CSMD2: variants seen among roughly 807,000 people sequenced by gnomAD.
CSMD2 encodes the protein CUB and sushi domain-containing protein 2.
A neutral mutation model predicts 398.5 loss-of-function variants in CSMD2; 130 were observed. The observed-to-expected ratio is 0.33, with a 90% CI of 0.28 to 0.38. The LOEUF (loss-of-function observed/expected upper bound fraction) is 0.38, where lower values mean the gene tolerates loss of function less well. CSMD2 is among the 10% of genes least tolerant of loss of function. The pLI is 1.00. For synonymous variants in CSMD2, 1,828 were observed against 1,908.5 expected, an observed-to-expected ratio of 0.96 and a Z score of 1.10; for missense variants, 3,829 against 4,764.9, an observed-to-expected ratio of 0.80 and a Z score of 5.78.
intron 51 of CSMD2, among the ~76,000 whole-genome samples, chr1:33,570,993 T>C (rs1166874722): frequency 6.6e-6 from 1 of 152,136 alleles, no homozygotes; most frequent in African/African-American, 2.4e-5. Context: ...TGTCTCAGAG[T>C]GTCTTCCCAG....
At chr1:33,801,749 G>C (rs544241677) in intron 10 of CSMD2, among the ~76,000 whole-genome samples, 2 of 152,288 alleles carry the variant, frequency 1.3e-5, no homozygotes, top group African/African-American at 4.8e-5. Flanking sequence ...TCTCTCAAAG[G>C]GGGATAGGAA....
chr1:33,918,334 T>C, intron 4 of CSMD2, 33 bp from the exon 5 acceptor site: 1 of 1,597,298 alleles, frequency 6.3e-7, no homozygotes, highest in Middle Eastern at 1.8e-4. Context: ...CTTACATGAG[T>C]AGTCTGGTTT....
chr1:33,548,023 T>C lies in CSMD2; in HGVS notation c.8918-1804A>G, dbSNP rs187724495. Among the ~76,000 whole-genome samples the C allele has an allele frequency of 2.6e-4, 39 of 152,286 alleles. No homozygotes were observed. In the East Asian group the frequency reaches 7.1e-3, roughly 28 times the overall value. On this transcript the variant is annotated intron_variant, in intron 56 of 70. Coordinates refer to ENST00000373381, the MANE Select transcript of CSMD2 (RefSeq NM_001281956.2). The stretch of plus-strand genomic sequence containing the variant: ...GTGAGTGAGTTCTCATGAGATCTGG[T>C]TGTTTGAAAGTGTGTTGCACTTTGC...
At chr1:33,777,209 A>G (rs1176244568) in intron 12 of CSMD2, among the ~76,000 whole-genome samples, 1 of 150,498 alleles carries the variant, frequency 6.6e-6, no homozygotes, top group Non-Finnish European at 1.5e-5. Context: ...TGGTGACTTC[A>G]CGGGAACTCA....
At chr1:33,656,818 G>A (rs913565696) in intron 27 of CSMD2, among the ~76,000 whole-genome samples, 13 of 152,192 alleles carry the variant, frequency 8.5e-5, no homozygotes, top group African/African-American at 3.1e-4. Flanking sequence ...GCTAATTTCA[G>A]AGAGCTGTTG....
chr1:34,103,311 CTTT>C (rs71750196), intron 1 of CSMD2, among the ~76,000 whole-genome samples: 5 of 96,220 alleles, frequency 5.2e-5, no homozygotes, highest in African/African-American at 1.3e-4. Context: ...TTTTTTTTTT[CTTT>C]CTGAGCCAGA....
At chr1:34,103,375 T>C (rs1184000178) in intron 1 of CSMD2, among the ~76,000 whole-genome samples, 2 of 144,364 alleles carry the variant, frequency 1.4e-5, no homozygotes, top group African/African-American at 5.2e-5. Context: ...CTCGGCTCAC[T>C]GCTATCTCCG....
intron 37 of CSMD2, 139 bp downstream of exon 37, chr1:33,622,028 G>A: frequency 1.4e-6 from 1 of 697,744 alleles, no homozygotes; most frequent in Non-Finnish European, 2.6e-6. Flanking sequence ...CTGGGCTTTA[G>A]CATCTTCACC....
Position 33,724,570 on chromosome 1 carries a change from G to T in CSMD2, c.2830C>A (p.Pro944Thr), listed in dbSNP as rs1478575629. The T allele has an allele frequency of 6.2e-7, 1 of 1,614,204 alleles. No homozygotes were observed. Among genetic ancestry groups the T allele is most frequent in the Admixed American group, 1.7e-5 (1 of 60,032 alleles). Residue 944 changes from proline (P) to threonine (T), a missense_variant, in exon 18 of 71, where the codon CCT (proline) becomes ACT (threonine). Around this residue, in one of 5 missense-constraint regions of CSMD2, gnomAD observed 2,001 missense variants for 2,567.1 expected, o/e 0.78. Transcript: ENST00000373381. ...DSGYTLSDGEPLECEPNFQWS... is the reference protein window; with the variant it reads ...DSGYTLSDGETLECEPNFQWS... ...TGGAAGTTGGGCTCACACTCCAGAG[G>T]CTCCCCGTCACTTAATGTGTAGCCC...
At chr1:33,725,137 G>A (rs1256278371) in intron 17 of CSMD2, among the ~76,000 whole-genome samples, 4 of 152,194 alleles carry the variant, frequency 2.6e-5, no homozygotes, top group Non-Finnish European at 4.4e-5. Flanking sequence ...AGGGCCTAGC[G>A]TGAAGGTTGT....
intron 7 of CSMD2, among the ~76,000 whole-genome samples, chr1:33,822,581 C>T (rs890437188): frequency 1.3e-5 from 2 of 152,180 alleles, no homozygotes; most frequent in African/African-American, 2.4e-5. Flanking sequence ...CCTTGCCAAG[C>T]CTTTACCTCC....
intron 21 of CSMD2, among the ~76,000 whole-genome samples, chr1:33,714,027 G>C (rs1204369564): frequency 6.6e-6 from 1 of 152,290 alleles, no homozygotes; most frequent in Non-Finnish European, 1.5e-5. Flanking sequence ...CCTAGCAGAT[G>C]CCTGAGATGT....
intron 13 of CSMD2, among the ~76,000 whole-genome samples, chr1:33,762,651 T>C (rs1242654304): frequency 6.6e-6 from 1 of 152,208 alleles, no homozygotes; most frequent in African/African-American, 2.4e-5. Context: ...GCTACAATCT[T>C]CCAAGAAGAC....
At chr1:34,158,881 G>A (rs1047139139) in intron 1 of CSMD2, among the ~76,000 whole-genome samples, 1 of 152,160 alleles carries the variant, frequency 6.6e-6, no homozygotes, top group Admixed American at 6.5e-5. Flanking sequence ...TAATTAAATG[G>A]TAATGTCTAC....
chr1:33,792,362 C>T (rs1654423908), intron 11 of CSMD2, 61 bp downstream of exon 11: 1 of 1,237,210 alleles, frequency 8.1e-7, no homozygotes, highest in Non-Finnish European at 1.2e-6. Flanking sequence ...CTCCACAAAC[C>T]CCACCCCACC....
At chr1:34,149,673 C>T (rs756731007) in intron 1 of CSMD2, among the ~76,000 whole-genome samples, 16 of 152,338 alleles carry the variant, frequency 1.1e-4, no homozygotes, top group African/African-American at 3.1e-4. Context: ...AATGCTAATG[C>T]GTGCCTTTGG....
At chr1:34,158,470 C>T (rs1390432517) in intron 1 of CSMD2, among the ~76,000 whole-genome samples, 1 of 152,162 alleles carries the variant, frequency 6.6e-6, no homozygotes, top group Non-Finnish European at 1.5e-5. Flanking sequence ...TCCCTCCCTA[C>T]CCTCCTGGAT....
At chr1:33,883,556 T>C (rs548778403) in intron 5 of CSMD2, among the ~76,000 whole-genome samples, 17 of 152,276 alleles carry the variant, frequency 1.1e-4, no homozygotes, top group Admixed American at 5.2e-4. Context: ...AATGTAGATT[T>C]CCGGATCAAC....
At chr1:33,717,681 G>C (rs554858463) in intron 19 of CSMD2, among the ~76,000 whole-genome samples, 1 of 151,864 alleles carries the variant, frequency 6.6e-6, no homozygotes, top group East Asian at 2.0e-4. Context: ...CCAGCAAATA[G>C]TTGATATCTG....
Sources: gnomAD v4.1 joint callset for allele counts (sites outside exome capture counted in the v4.1 genomes callset) on GRCh38, gnomAD v4.1.1 for gene constraint, gnomAD v4.1.1 regional missense constraint, MANE v1.5 for transcripts, NCBI Gene and HGNC (gene_info 2026-07-23, HGNC 2026-07-21) for gene names.